The following CCDC85A variants were observed in gnomAD, a reference collection of about 807,000 sequenced individuals.
CCDC85A encodes the protein coiled-coil domain-containing protein 85A.
Under a neutral mutation model 50.2 loss-of-function variants are expected in CCDC85A, and 38 were observed. The ratio of observed to expected loss-of-function variants is 0.76; its 90% CI spans 0.58 to 0.99. CCDC85A has a LOEUF of 0.99. Among genes scored for constraint, CCDC85A ranks in the 50% least tolerant of loss-of-function variants. CCDC85A has a pLI of 0.00. For missense variants in CCDC85A, 820 were observed against 742.0 expected, an observed-to-expected ratio of 1.11 and a Z score of -1.22; for synonymous variants, 366 against 301.4, an observed-to-expected ratio of 1.21 and a Z score of -2.22.
intron 2 of CCDC85A, among the ~76,000 whole-genome samples, chr2:56,230,576 C>T (rs555270820): frequency 9.8e-5 from 15 of 152,302 alleles, no homozygotes; most frequent in African/African-American, 2.4e-4. Flanking sequence ...CTCTTCCTCA[C>T]GTCTGCCCAT....
intron 5 of CCDC85A, among the ~76,000 whole-genome samples, chr2:56,377,803 G>A (rs1193004641): frequency 6.6e-6 from 1 of 151,488 alleles, no homozygotes; most frequent in East Asian, 2.0e-4. Flanking sequence ...CAGGAGAATT[G>A]CTTGAATCCG....
chr2:56,308,276 CT>C (rs1383067703), intron 2 of CCDC85A, among the ~76,000 whole-genome samples: 1 of 152,174 alleles, frequency 6.6e-6, no homozygotes, highest in Non-Finnish European at 1.5e-5. Flanking sequence ...GAGACAACTC[CT>C]CCCTTCCTCC....
chr2:56,376,301 G>A (rs1307534361), intron 5 of CCDC85A, among the ~76,000 whole-genome samples: 1 of 152,116 alleles, frequency 6.6e-6, no homozygotes, highest in Admixed American at 6.5e-5. Flanking sequence ...TTAATAGTTG[G>A]TCATAATATG....
chr2:56,307,652 T>A (rs1477475764), intron 2 of CCDC85A, among the ~76,000 whole-genome samples: 1 of 152,234 alleles, frequency 6.6e-6, no homozygotes, highest in Non-Finnish European at 1.5e-5. Flanking sequence ...AAAGTATTCT[T>A]ATCTTTATTT....
chr2:56,278,342 A>G (rs1671054418), intron 2 of CCDC85A, among the ~76,000 whole-genome samples: 1 of 151,814 alleles, frequency 6.6e-6, no homozygotes, highest in African/African-American at 2.4e-5. Context: ...ATTCTTCATT[A>G]TATCCTTCAA....
intron 2 of CCDC85A, among the ~76,000 whole-genome samples, chr2:56,246,588 A>C (rs1045173916): frequency 3.9e-5 from 6 of 152,118 alleles, no homozygotes; most frequent in Non-Finnish European, 8.8e-5. Flanking sequence ...TTTTTTGTGG[A>C]TATCCAGTTG....
intron 2 of CCDC85A, among the ~76,000 whole-genome samples, chr2:56,271,034 A>G (rs1182842164): frequency 1.3e-5 from 2 of 152,212 alleles, no homozygotes; most frequent in Non-Finnish European, 2.9e-5. Context: ...AATAGACTCA[A>G]AGAAATGCAG....
intron 2 of CCDC85A, among the ~76,000 whole-genome samples, chr2:56,282,380 A>G (rs575338044): frequency 1.3e-5 from 2 of 152,336 alleles, no homozygotes; most frequent in East Asian, 3.9e-4. Context: ...GATTATTTCA[A>G]CAATTTGAGG....
chr2:56,358,675 TAGAC>T (rs1408385776), intron 3 of CCDC85A, among the ~76,000 whole-genome samples: 2 of 152,222 alleles, frequency 1.3e-5, no homozygotes, highest in African/African-American at 4.8e-5. Flanking sequence ...ACTTACAAAA[TAGAC>T]AGTGGCCTGG....
chr2:56,237,031 C>T (rs1452119146), intron 2 of CCDC85A, among the ~76,000 whole-genome samples: 2 of 152,056 alleles, frequency 1.3e-5, no homozygotes, highest in Non-Finnish European at 2.9e-5. Flanking sequence ...AGTTGGTTAA[C>T]TAATCTGTGA....
intron 3 of CCDC85A, among the ~76,000 whole-genome samples, chr2:56,366,095 G>A (rs373419876): frequency 3.3e-5 from 5 of 152,030 alleles, no homozygotes; most frequent in African/African-American, 7.2e-5. Flanking sequence ...GATTTCCTTC[G>A]TTTTTAAGGC....
intron 2 of CCDC85A, among the ~76,000 whole-genome samples, chr2:56,212,385 C>G (rs981196560): frequency 1.3e-5 from 2 of 151,668 alleles, no homozygotes; most frequent in African/African-American, 4.8e-5. Context: ...GAATGGCCAA[C>G]TGATTGAAGC....
chr2:56,227,494 G>A (rs187799618), intron 2 of CCDC85A, among the ~76,000 whole-genome samples: 2 of 152,208 alleles, frequency 1.3e-5, no homozygotes, highest in Admixed American at 6.5e-5. Context: ...TTTAACAAGT[G>A]TTCCAAGCGG....
intron 2 of CCDC85A, among the ~76,000 whole-genome samples, chr2:56,342,154 G>A (rs899296008): frequency 1.3e-5 from 2 of 150,790 alleles, no homozygotes; most frequent in Non-Finnish European, 2.9e-5. Context: ...TGGTTGGTGT[G>A]CAAAAAGCCT....
chr2:56,356,836 G>A (rs1023515566), intron 3 of CCDC85A, among the ~76,000 whole-genome samples: 2 of 151,544 alleles, frequency 1.3e-5, no homozygotes, highest in Non-Finnish European at 2.9e-5. Flanking sequence ...TTGGGAGGCC[G>A]AGGCTTGTGG....
At chr2:56,383,705 T>A in intron 5 of CCDC85A, 10 of 985,116 alleles carry the variant, frequency 1.0e-5, no homozygotes, top group Non-Finnish European at 1.1e-5. Context: ...AATTTACTAG[T>A]GGCCCTAAGA....
intron 2 of CCDC85A, among the ~76,000 whole-genome samples, chr2:56,307,906 A>G (rs1672515777): frequency 6.6e-6 from 1 of 152,246 alleles, no homozygotes; most frequent in Non-Finnish European, 1.5e-5. Context: ...TAGGCTATGC[A>G]TGAGAATGCA....
intron 2 of CCDC85A, among the ~76,000 whole-genome samples, chr2:56,230,553 T>C (rs1668731503): frequency 6.6e-6 from 1 of 152,172 alleles, no homozygotes; most frequent in South Asian, 2.1e-4. Context: ...CTTTTAAAAA[T>C]GTAAATTGAA....
chr2:56,281,794 A>G (rs1476638234), intron 2 of CCDC85A, among the ~76,000 whole-genome samples: 4 of 152,120 alleles, frequency 2.6e-5, no homozygotes, highest in Admixed American at 2.6e-4. Flanking sequence ...ATATTCTGTA[A>G]TCAAGTATTT....
Sources: allele counts gnomAD v4.1 joint callset (sites outside exome capture counted in the v4.1 genomes callset), GRCh38; gene constraint gnomAD v4.1.1; transcripts MANE v1.5; gene names NCBI Gene and HGNC (gene_info 2026-07-23, HGNC 2026-07-21).